Variants in NEDD4L observed in about 807,000 individuals in gnomAD.
The protein encoded by NEDD4L is E3 ubiquitin-protein ligase NEDD4-like.
In NEDD4L, 54 loss-of-function variants were observed where a neutral mutation model predicts 148.9. That is an observed-to-expected ratio of 0.36 (90% CI 0.29 to 0.45). The LOEUF (loss-of-function observed/expected upper bound fraction) is 0.45. Ranked by LOEUF, NEDD4L falls within the 20% of genes least tolerant of loss-of-function variation. The pLI, the probability that NEDD4L is intolerant of heterozygous loss-of-function variation, is 1.00. For missense variants in NEDD4L, 856 were observed against 1,233.8 expected (o/e 0.69, Z 4.59); for synonymous variants, 433 against 440.7 (o/e 0.98, Z 0.22).
At position 58,297,035 on chromosome 18, in the gene NEDD4L, C is replaced by T. The variant is rs144537965; in HGVS notation, c.298-18947C>T. Among the ~76,000 whole-genome samples the T allele has an allele frequency of 1.5e-3, 231 of 151,768 alleles. 1 individual carries two copies. The highest frequency in any genetic ancestry group is 5.4e-3 in the African/African-American group (223 of 41,398). The stretch of plus-strand genomic sequence containing the variant: ...CCAGGAGGTGGAGGTTGCAGTGAGC[C>T]GAGATCACGCCACTGCACTCCACCC... On this transcript the variant is annotated intron_variant, in intron 5 of 30. Transcript: ENST00000400345.
At chr18:58,350,148 C>T (rs2043688526) in intron 17 of NEDD4L, among the ~76,000 whole-genome samples, 1 of 152,184 alleles carries the variant, frequency 6.6e-6, no homozygotes. Context: ...ACATCCTCCT[C>T]AACAACTCAC....
intron 5 of NEDD4L, among the ~76,000 whole-genome samples, chr18:58,313,101 A>G (rs1427962486): frequency 6.6e-6 from 1 of 152,194 alleles, no homozygotes; most frequent in African/African-American, 2.4e-5. Context: ...TACATCTTCC[A>G]TTGACTGGTG....
intron 18 of NEDD4L, among the ~76,000 whole-genome samples, chr18:58,355,168 G>A (rs988173822): frequency 1.3e-5 from 2 of 152,160 alleles, no homozygotes; most frequent in African/African-American, 4.8e-5. Flanking sequence ...TCTTGAACTG[G>A]GGTTGGGGGG....
At chr18:58,352,221 T>C (rs1213606797) in intron 18 of NEDD4L, among the ~76,000 whole-genome samples, 1 of 152,254 alleles carries the variant, frequency 6.6e-6, no homozygotes, top group Non-Finnish European at 1.5e-5. Flanking sequence ...CAGAATTTCA[T>C]AGTAAGCATA....
In NEDD4L at chr18:58,333,801, T is replaced by C. The variant is rs368799316; in HGVS notation, c.991-17T>C. The C allele has an allele frequency of 2.9e-5, 46 of 1,605,674 alleles. No homozygotes were observed. In the Middle Eastern group the frequency reaches 1.3e-3, roughly 46 times the overall value. ...AATATATTTCTTGATGCTTCCTGTCTTTTCCTCTCCTTCCAGCAAAGAGAA... is the reference window on the plus strand; with the variant it reads ...AATATATTTCTTGATGCTTCCTGTCCTTTCCTCTCCTTCCAGCAAAGAGAA... On this transcript the variant is annotated splice_polypyrimidine_tract_variant and intron_variant, in intron 11 of 30. Coordinates refer to ENST00000400345, the MANE Select transcript of NEDD4L (RefSeq NM_001144967.3).
chr18:58,080,247 C>A (rs1226774452), intron 1 of NEDD4L, among the ~76,000 whole-genome samples: 1 of 152,230 alleles, frequency 6.6e-6, no homozygotes. Context: ...AGATGGGGAG[C>A]CCACCTGGGT....
intron 1 of NEDD4L, among the ~76,000 whole-genome samples, chr18:58,116,921 G>A (rs553251246): frequency 1.3e-5 from 2 of 152,328 alleles, no homozygotes; most frequent in East Asian, 1.9e-4. Context: ...TCCTGCCAAC[G>A]CTGGCCCTTC....
chr18:58,275,127 A>G (rs2051682725), intron 5 of NEDD4L, among the ~76,000 whole-genome samples: 1 of 152,238 alleles, frequency 6.6e-6, no homozygotes, highest in South Asian at 2.1e-4. Context: ...CCTTACTGAT[A>G]ACTTAAACAG....
chr18:58,290,379 T>C (rs1270192370), intron 5 of NEDD4L, among the ~76,000 whole-genome samples: 2 of 152,226 alleles, frequency 1.3e-5, no homozygotes, highest in African/African-American at 4.8e-5. Context: ...CATTGTTTGA[T>C]TATACTTCAC....
intron 19 of NEDD4L, among the ~76,000 whole-genome samples, chr18:58,362,793 T>C (rs1489815511): frequency 6.6e-6 from 1 of 152,168 alleles, no homozygotes; most frequent in Non-Finnish European, 1.5e-5. Context: ...AGAGAGGAAA[T>C]CTTAGTTTGT....
At chr18:58,309,758 A>G (rs1452559248) in intron 5 of NEDD4L, among the ~76,000 whole-genome samples, 3 of 151,680 alleles carry the variant, frequency 2.0e-5, no homozygotes, top group Non-Finnish European at 2.9e-5. Context: ...GGATATGCTT[A>G]TATTTGGTGT....
rs1555695625 is a variant in NEDD4L, at chr18:58,114,347, A to AT, written c.49-51441_49-51440insT. On this transcript the variant is annotated intron_variant, in intron 1 of 30. Coordinates refer to ENST00000400345, the MANE Select transcript of NEDD4L (RefSeq NM_001144967.3). ...GGAATCCATTGGGAGATTTAAAAAA[A>AT]ATATATATATATATACACACACACA... 7.9e-4 allele frequency among the ~76,000 whole-genome samples: 114 copies of AT among 144,746 alleles called. 1 individual carries two copies. Among genetic ancestry groups the AT allele is most frequent in the African/African-American group, 2.1e-3 (81 of 38,032 alleles). The allele number at this position is 144,746 out of a possible 152,430, so 95.0% of individuals were successfully genotyped here. A position where few individuals can be genotyped will look rare whatever the true frequency, so the allele number is the denominator to read the frequency against.
intron 1 of NEDD4L, among the ~76,000 whole-genome samples, chr18:58,073,242 A>G (rs1475498563): frequency 6.6e-6 from 1 of 152,106 alleles, no homozygotes; most frequent in Non-Finnish European, 1.5e-5. Context: ...GAAATTAACA[A>G]GTTTATTTTA....
intron 6 of NEDD4L, 70 bp from the exon 7 acceptor site, chr18:58,322,355 C>T: frequency 9.7e-7 from 1 of 1,026,384 alleles, no homozygotes. Flanking sequence ...CTCTGTAATC[C>T]AGTTGCCTGT....
At chr18:58,387,703 G>A (rs2049227314) in intron 27 of NEDD4L, 3 of 522,948 alleles carry the variant, frequency 5.7e-6, no homozygotes, top group South Asian at 6.3e-5. Context: ...CAATGTAGGA[G>A]TAAGGAACAG....
chr18:58,315,318 G>A (rs564584228), intron 5 of NEDD4L, among the ~76,000 whole-genome samples: 11 of 152,208 alleles, frequency 7.2e-5, no homozygotes, highest in African/African-American at 1.4e-4. Flanking sequence ...GGACTGGTGC[G>A]TGGCTCCAAA....
In NEDD4L at chr18:58,044,343, G is replaced by A. The variant is rs1235347038; in HGVS notation, c.-318G>A. ...GGGCGGGAGGGAGGCGCGGGTCGCG[G>A]GGAGGGAAAGCCCGGCCGGGTCTGC... On this transcript the variant is annotated 5_prime_UTR_variant, in exon 1 of 31. Transcript: ENST00000400345. 4 of 163,578 alleles carry A rather than the reference G, an allele frequency of 2.4e-5. No individual in the cohort carries two copies. The highest frequency in any genetic ancestry group is 9.6e-5 in the African/African-American group (4 of 41,686). The allele number at this position is 163,578 out of a possible 1,614,324, so 10.1% of individuals were successfully genotyped here. A position where few individuals can be genotyped will look rare whatever the true frequency, so the allele number is the denominator to read the frequency against.
At chr18:58,045,276 C>T in intron 1 of NEDD4L, 1 of 396,980 alleles carries the variant, frequency 2.5e-6, no homozygotes, top group Non-Finnish European at 4.4e-6. Flanking sequence ...AGTCTACGGC[C>T]AGGATTGTGG....
chr18:58,268,504 G>A (rs1392593551), intron 5 of NEDD4L, among the ~76,000 whole-genome samples: 1 of 151,968 alleles, frequency 6.6e-6, no homozygotes, highest in Non-Finnish European at 1.5e-5. Context: ...GTATATTTTG[G>A]GGTGAAATAT....
Sources: gnomAD v4.1 joint callset for allele counts (sites outside exome capture counted in the v4.1 genomes callset) on GRCh38, gnomAD v4.1.1 for gene constraint, MANE v1.5 for transcripts, NCBI Gene and HGNC (gene_info 2026-07-23, HGNC 2026-07-21) for gene names.